The following RAPGEF5 variants were observed in gnomAD, a reference collection of about 807,000 sequenced individuals.
The protein encoded by RAPGEF5 is M-Ras-regulated GEF.
Under a neutral mutation model 125.2 loss-of-function variants are expected in RAPGEF5, and 65 were observed. The observed-to-expected ratio is 0.52, with a 90% confidence interval of 0.43 to 0.64. The LOEUF (loss-of-function observed/expected upper bound fraction) is 0.64. Ranked by LOEUF, RAPGEF5 falls within the 30% of genes least tolerant of loss-of-function variation. The pLI, the probability that RAPGEF5 is intolerant of heterozygous loss-of-function variation, is 0.00. For synonymous variants in RAPGEF5, 391 were observed against 385.9 expected, an observed-to-expected ratio of 1.01 and a Z score of -0.16; for missense variants, 958 against 1,048.1, an observed-to-expected ratio of 0.91 and a Z score of 1.19.
intron 11 of RAPGEF5, among the ~76,000 whole-genome samples, chr7:22,176,894 A>G (rs1326647898): frequency 5.9e-5 from 9 of 152,318 alleles, no homozygotes; most frequent in Non-Finnish European, 1.2e-4. Flanking sequence ...TTTCAACACA[A>G]GAAAATTTAC....
intron 7 of RAPGEF5, among the ~76,000 whole-genome samples, chr7:22,248,653 C>A (rs188565755): frequency 3.9e-5 from 6 of 152,240 alleles, no homozygotes; most frequent in Admixed American, 2.0e-4. Context: ...TCCCCAGCAG[C>A]GCAGGGAAGC....
intron 7 of RAPGEF5, among the ~76,000 whole-genome samples, chr7:22,258,578 C>T (rs1243643353): frequency 1.4e-5 from 2 of 139,488 alleles, no homozygotes; most frequent in South Asian, 2.3e-4. Context: ...GAGCCAAGAT[C>T]GCGCCATTGC....
In RAPGEF5 at chr7:22,231,169, C is replaced by A. The variant is rs76405100; in HGVS notation, c.797-250G>T. 5.0e-3 allele frequency among the ~76,000 whole-genome samples: 755 copies of A among 152,260 alleles called. 19 individuals carry two copies. In the East Asian group the frequency reaches 0.1, roughly 21 times the overall value. On this transcript the variant is annotated intron_variant, in intron 7 of 25. Coordinates refer to ENST00000665637, the MANE Select transcript of RAPGEF5 (RefSeq NM_012294.5). ...ATCTTAATTCTGTTCTTCACCTAAA[C>A]CCATCCTGACATCACCATATCAGCA...
Position 22,183,535 on chromosome 7 carries a change from T to C in RAPGEF5, c.1204+9832A>G, listed in dbSNP as rs577280238. Among the ~76,000 whole-genome samples the C allele has an allele frequency of 9.9e-5, 15 of 152,234 alleles. No individual in the cohort carries two copies. In the South Asian group the frequency reaches 3.1e-3, roughly 32 times the overall value. On this transcript the variant is annotated intron_variant, in intron 11 of 25. Coordinates refer to ENST00000665637, the MANE Select transcript of RAPGEF5 (RefSeq NM_012294.5). ...CAAGTTGGGCATTTGAGGTAAAGTA[T>C]TTCAGGTGAAGCAAATTAATGTAAA...
At chr7:22,266,335 A>G (rs149967910) in intron 7 of RAPGEF5, among the ~76,000 whole-genome samples, 1 of 152,264 alleles carries the variant, frequency 6.6e-6, no homozygotes, top group African/African-American at 2.4e-5. Flanking sequence ...CCATCTAAGC[A>G]AGCATTTTTC....
intron 13 of RAPGEF5, 93 bp downstream of exon 13, chr7:22,162,304 T>C: frequency 1.5e-6 from 2 of 1,312,430 alleles, no homozygotes; most frequent in Non-Finnish European, 2.1e-6. Flanking sequence ...GAAAGCTGAA[T>C]GACTGTTACC....
intron 20 of RAPGEF5, among the ~76,000 whole-genome samples, chr7:22,140,437 C>T (rs1001806837): frequency 6.6e-6 from 1 of 152,092 alleles, no homozygotes; most frequent in Non-Finnish European, 1.5e-5. Flanking sequence ...TCTTTATATA[C>T]GCCCCACTCT....
intron 5 of RAPGEF5, among the ~76,000 whole-genome samples, chr7:22,300,635 T>C (rs1783174842): frequency 6.6e-6 from 1 of 152,214 alleles, no homozygotes; most frequent in Non-Finnish European, 1.5e-5. Context: ...AAACTCACAT[T>C]TGTGTAGTTC....
At chr7:22,286,762 C>T (rs1562509050) in intron 6 of RAPGEF5, among the ~76,000 whole-genome samples, 1 of 152,140 alleles carries the variant, frequency 6.6e-6, no homozygotes, top group Non-Finnish European at 1.5e-5. Context: ...AGCAAGCAGA[C>T]CCCTGGGTTG....
chr7:22,181,806 G>C (rs1435156708), intron 11 of RAPGEF5, among the ~76,000 whole-genome samples: 1 of 152,182 alleles, frequency 6.6e-6, no homozygotes, highest in East Asian at 1.9e-4. Flanking sequence ...GAAAGCCTGA[G>C]GCAGAAAATG....
chr7:22,157,136 C>T (rs373633755), intron 15 of RAPGEF5, among the ~76,000 whole-genome samples: 5 of 152,338 alleles, frequency 3.3e-5, no homozygotes, highest in South Asian at 4.1e-4. Context: ...TTATTCCCTG[C>T]AACATGATTT....
chr7:22,225,227 T>C (rs1419160248), intron 8 of RAPGEF5, among the ~76,000 whole-genome samples: 1 of 152,174 alleles, frequency 6.6e-6, no homozygotes, highest in East Asian at 1.9e-4. Flanking sequence ...ACATTTTCAT[T>C]ACAACCAGAT....
chr7:22,298,224 C>G (rs556176894), intron 5 of RAPGEF5, among the ~76,000 whole-genome samples: 6 of 148,326 alleles, frequency 4.0e-5, no homozygotes, highest in African/African-American at 1.5e-4. Context: ...GTTGCCCAGG[C>G]TGGAGTGCAA....
At chr7:22,271,321 G>A (rs764425912) in intron 6 of RAPGEF5, among the ~76,000 whole-genome samples, 8 of 152,088 alleles carry the variant, frequency 5.3e-5, no homozygotes, top group Non-Finnish European at 1.0e-4. Flanking sequence ...TATTCAACAA[G>A]TATCTTACTT....
In RAPGEF5 at chr7:22,121,076, T is replaced by C. The variant is rs1430029041; in HGVS notation, c.*1330A>G. ...AGTATCTAGCAGGCAGGGGTGGATT[T>C]CATTATTTTGACCCATAGGCTGTTT... On this transcript the variant is annotated 3_prime_UTR_variant, in exon 26 of 26. Coordinates refer to ENST00000665637, the MANE Select transcript of RAPGEF5 (RefSeq NM_012294.5). 6.6e-6 allele frequency: 1 copy of C among 152,148 alleles called. No homozygotes were observed. The highest frequency in any genetic ancestry group is 2.4e-5 in the African/African-American group (1 of 41,420). The allele number at this position is 152,148 out of a possible 1,614,324, so 9.4% of individuals were successfully genotyped here. A position where few individuals can be genotyped will look rare whatever the true frequency, so the allele number is the denominator to read the frequency against.
At chr7:22,279,103 AG>A (rs1338998629) in intron 6 of RAPGEF5, among the ~76,000 whole-genome samples, 2 of 152,182 alleles carry the variant, frequency 1.3e-5, no homozygotes, top group East Asian at 3.9e-4. Flanking sequence ...TTTGTTTTAA[AG>A]AGAAAATTTT....
chr7:22,144,950 C>T (rs1783383099), intron 20 of RAPGEF5, 94 bp downstream of exon 20: 1 of 1,404,132 alleles, frequency 7.1e-7, no homozygotes. Flanking sequence ...ACGTTTATAT[C>T]CCAACCCTTA....
chr7:22,168,072 T>C (rs975165406), intron 11 of RAPGEF5, among the ~76,000 whole-genome samples: 1 of 150,642 alleles, frequency 6.6e-6, no homozygotes, highest in African/African-American at 2.4e-5. Context: ...AAAACAGTAA[T>C]AAATTATTAG....
chr7:22,265,007 T>G (rs897413318), intron 7 of RAPGEF5, among the ~76,000 whole-genome samples: 7 of 152,130 alleles, frequency 4.6e-5, no homozygotes, highest in African/African-American at 1.7e-4. Flanking sequence ...TAAATAATAA[T>G]TGTACATATT....
Sources: allele counts gnomAD v4.1 joint callset (sites outside exome capture counted in the v4.1 genomes callset), GRCh38; gene constraint gnomAD v4.1.1; transcripts MANE v1.5; gene names NCBI Gene and HGNC (gene_info 2026-07-23, HGNC 2026-07-21).